Variants in AKAP7 observed in about 807,000 individuals in gnomAD.
The protein encoded by AKAP7 is A-kinase anchoring protein 7, also known as A kinase (PRKA) anchor protein 7.
Under a neutral mutation model 39.5 loss-of-function variants are expected in AKAP7, and 39 were observed. That is an observed-to-expected ratio of 0.99 (90% CI 0.76 to 1.29). AKAP7 has a LOEUF of 1.29. Among genes scored for constraint, AKAP7 ranks in the 50% most tolerant of loss-of-function variants. The pLI, the probability that AKAP7 is intolerant of heterozygous loss-of-function variation, is 0.00. For missense variants in AKAP7, 414 were observed against 407.7 expected, an observed-to-expected ratio of 1.02 and a Z score of -0.13; for synonymous variants, 140 against 139.1, an observed-to-expected ratio of 1.01 and a Z score of -0.05.
chr6:131,276,555 TAAAAAAA>T (rs397887321), intron 7 of AKAP7, among the ~76,000 whole-genome samples: 1 of 145,766 alleles, frequency 6.9e-6, no homozygotes, highest in South Asian at 2.2e-4. Context: ...TAAGCTCAGT[TAAAAAAA>T]AAAAATCCAC....
intron 5 of AKAP7, among the ~76,000 whole-genome samples, chr6:131,170,399 C>T (rs371649835): frequency 6.6e-6 from 1 of 151,978 alleles, no homozygotes; most frequent in East Asian, 1.9e-4. Flanking sequence ...GAATCTACCA[C>T]CCCAAACAGA....
intron 6 of AKAP7, among the ~76,000 whole-genome samples, chr6:131,202,625 G>T: frequency 7.6e-6 from 1 of 130,886 alleles, no homozygotes; most frequent in Admixed American, 7.9e-5. Flanking sequence ...TGGGGGAGGG[G>T]GGAGGGATAG....
At chr6:131,241,609 G>GTATATATATATA (rs1176516314) in intron 7 of AKAP7, among the ~76,000 whole-genome samples, 14,582 of 135,256 alleles carry the variant, frequency 0.11, 1,714 homozygotes, top group Middle Eastern at 0.22. Flanking sequence ...GTGTGTGTGT[G>GTATATATATATA]TGTGTGTGTG....
chr6:131,179,154 T>C (rs1477656049), intron 5 of AKAP7, among the ~76,000 whole-genome samples: 20 of 141,152 alleles, frequency 1.4e-4, no homozygotes. Flanking sequence ...TGTGATTACC[T>C]TATTGTCTAT....
chr6:131,254,071 TA>T (rs1204673788), intron 7 of AKAP7, among the ~76,000 whole-genome samples: 2 of 152,216 alleles, frequency 1.3e-5, no homozygotes, highest in East Asian at 3.8e-4. Flanking sequence ...ATTTATTAAT[TA>T]GTGCAGCACA....
chr6:131,277,660 CAAATG>C (rs980574696), intron 7 of AKAP7, among the ~76,000 whole-genome samples: 6 of 152,284 alleles, frequency 3.9e-5, no homozygotes, highest in Middle Eastern at 3.4e-3. Flanking sequence ...AGTGGGAACA[CAAATG>C]AGATCTCATA....
At chr6:131,230,258 G>A (rs2128305239) in intron 7 of AKAP7, among the ~76,000 whole-genome samples, 1 of 152,290 alleles carries the variant, frequency 6.6e-6, no homozygotes, top group East Asian at 1.9e-4. Flanking sequence ...AGCAGCATCT[G>A]TTGTTTTTTG....
intron 4 of AKAP7, among the ~76,000 whole-genome samples, chr6:131,168,867 A>C (rs1385540651): frequency 6.6e-6 from 1 of 152,114 alleles, no homozygotes; most frequent in Non-Finnish European, 1.5e-5. Flanking sequence ...ACTGTAAAAT[A>C]GTGTCTACTT....
intron 6 of AKAP7, among the ~76,000 whole-genome samples, chr6:131,205,192 AT>A (rs1004081023): frequency 1.3e-4 from 20 of 151,830 alleles, no homozygotes; most frequent in African/African-American, 3.4e-4. Context: ...ACCAATTGAG[AT>A]TTTTTTTTAA....
Position 131,145,336 on chromosome 6 carries a change from C to T in AKAP7, c.71C>T (p.Ser24Leu), listed in dbSNP as rs1801394388. The T allele has an allele frequency of 1.9e-6, 3 of 1,566,214 alleles. No homozygotes were observed. Among genetic ancestry groups the T allele is most frequent in the Non-Finnish European group, 2.6e-6 (3 of 1,152,136 alleles). The change falls in exon 2 of 8, where the codon TCA becomes TTA. Residue 24 changes from serine (S) to leucine (L), a missense_variant. Coordinates refer to ENST00000431975, the MANE Select transcript of AKAP7 (RefSeq NM_016377.4). ...CENVSRKKKM[S>L]EEFEANTMDS... ...AATGTATCAAGAAAAAAGAAAATGT[C>T]AGAGGAATTTGAAGCCAATACTATG... is the stretch of plus-strand genomic sequence containing the variant.
chr6:131,174,051 G>A (rs1323246085), intron 5 of AKAP7, among the ~76,000 whole-genome samples: 1 of 152,138 alleles, frequency 6.6e-6, no homozygotes, highest in Non-Finnish European at 1.5e-5. Flanking sequence ...GATTCCAGAG[G>A]TATTAGGTAC....
chr6:131,144,066 A>C (rs1801282096), intron 1 of AKAP7, among the ~76,000 whole-genome samples: 1 of 138,006 alleles, frequency 7.2e-6, no homozygotes, highest in East Asian at 2.0e-4. Context: ...TTCAGAGAGC[A>C]CAGGGTTGGG....
intron 7 of AKAP7, among the ~76,000 whole-genome samples, chr6:131,227,164 A>G (rs1810239302): frequency 6.6e-6 from 1 of 152,210 alleles, no homozygotes; most frequent in Admixed American, 6.5e-5. Flanking sequence ...GAGCAGAGCG[A>G]TAGTCAATAG....
intron 2 of AKAP7, among the ~76,000 whole-genome samples, chr6:131,151,170 G>A (rs1801880765): frequency 6.6e-6 from 1 of 151,708 alleles, no homozygotes; most frequent in African/African-American, 2.4e-5. Context: ...AGCCTCCCGA[G>A]TAGCTGGGAT....
intron 4 of AKAP7, 93 bp from the exon 5 acceptor site, chr6:131,169,020 T>A: frequency 8.8e-7 from 1 of 1,132,754 alleles, no homozygotes; most frequent in South Asian, 1.6e-5. Context: ...AATATCAAAA[T>A]TCATCTTTCT....
intron 7 of AKAP7, among the ~76,000 whole-genome samples, chr6:131,244,687 C>G (rs1430036658): frequency 6.6e-6 from 1 of 152,164 alleles, no homozygotes; most frequent in African/African-American, 2.4e-5. Flanking sequence ...AGCAGAAATG[C>G]ATCAGCAGAG....
At position 131,200,490 on chromosome 6, in the gene AKAP7, G is replaced by A. The variant is rs1585073733; in HGVS notation, c.702+917G>A. On this transcript the variant is annotated intron_variant, in intron 6 of 7. Coordinates refer to ENST00000431975, the MANE Select transcript of AKAP7 (RefSeq NM_016377.4). ...CTAGAAATGAAGGCCATGTGTAGTA[G>A]TAAGTAGAATTTTTTTTTTCTAAAT... Among the ~76,000 whole-genome samples the A allele has an allele frequency of 2.6e-5, 4 of 152,198 alleles. No individual in the cohort carries two copies. In the South Asian group the frequency reaches 8.3e-4, roughly 32 times the overall value.
Position 131,156,082 on chromosome 6 carries a change from C to T in AKAP7, c.152-3977C>T, listed in dbSNP as rs574234869. 8.5e-5 allele frequency among the ~76,000 whole-genome samples: 13 copies of T among 152,284 alleles called. No homozygotes were observed. The East Asian group carries it at 2.5e-3, about 29-fold the overall frequency. On this transcript the variant is annotated intron_variant, in intron 2 of 7. Transcript: ENST00000431975. ...CCAGTGCTGCCTCTATAAATTGAAA[C>T]ACACAGTACTAGTCATTTTCTCAAC...
chr6:131,183,704 G>A (rs1805515992), intron 5 of AKAP7, among the ~76,000 whole-genome samples: 3 of 152,154 alleles, frequency 2.0e-5, no homozygotes, highest in Admixed American at 2.0e-4. Context: ...CTCCCCCTGG[G>A]GTGGGGTGGA....
Sources: gnomAD v4.1 joint callset for allele counts (sites outside exome capture counted in the v4.1 genomes callset) on GRCh38, gnomAD v4.1.1 for gene constraint, MANE v1.5 for transcripts, NCBI Gene and HGNC (gene_info 2026-07-23, HGNC 2026-07-21) for gene names.